Variants in ZNF420 observed in about 807,000 individuals in gnomAD.
ZNF420 encodes ATM and p53-associated KZNF protein.
In ZNF420, 31 loss-of-function variants were observed where a neutral mutation model predicts 44.7. The observed-to-expected ratio is 0.69, with a 90% confidence interval of 0.52 to 0.94. The LOEUF (loss-of-function observed/expected upper bound fraction) is 0.94, where lower values mean the gene tolerates loss of function less well. Among genes scored for constraint, ZNF420 ranks in the 40% least tolerant of loss-of-function variants. ZNF420 has a pLI of 0.00. For missense variants in ZNF420, 681 were observed against 827.9 expected (o/e 0.82, Z 2.18); for synonymous variants, 245 against 267.4 (o/e 0.92, Z 0.82).
intron 1 of ZNF420, among the ~76,000 whole-genome samples, chr19:37,043,996 T>C (rs1967501781): frequency 1.3e-5 from 2 of 152,254 alleles, no homozygotes; most frequent in Admixed American, 6.5e-5. Flanking sequence ...GACTGCGGAC[T>C]GCACATGCAG....
chr19:37,123,306 C>CT (rs1439821350), intron 4 of ZNF420, among the ~76,000 whole-genome samples: 1 of 152,092 alleles, frequency 6.6e-6, no homozygotes, highest in Admixed American at 6.6e-5. Context: ...GAGTAAAAGT[C>CT]GATTTTTTAA....
rs181384911 is a variant in ZNF420 at position 37,108,544 on chromosome 19, G to A, written c.136+17423G>A. On this transcript the variant is annotated intron_variant, in intron 4 of 4. Coordinates refer to ENST00000337995, the MANE Select transcript of ZNF420 (RefSeq NM_144689.5). ...AAACCGTTAGACTTGAATTTAGGTC[G>A]ATAGTATAAAATGGCTTATGATCTC... is the stretch of plus-strand genomic sequence containing the variant. Among the ~76,000 whole-genome samples the A allele has an allele frequency of 5.9e-5, 9 of 152,276 alleles. No individual in the cohort carries two copies. The East Asian group carries it at 1.4e-3, about 23-fold the overall frequency.
chr19:37,075,071 G>T (rs936816047), upstream of ZNF420: 2 of 152,190 alleles, frequency 1.3e-5, no homozygotes, highest in African/African-American at 4.8e-5. Flanking sequence ...GACTCTCAAA[G>T]AAAATAATCC....
intron 1 of ZNF420, among the ~76,000 whole-genome samples, chr19:37,010,033 A>G (rs1023272058): frequency 6.6e-6 from 1 of 152,188 alleles, no homozygotes; most frequent in Non-Finnish European, 1.5e-5. Flanking sequence ...CCTCAGCCTG[A>G]GTTCCAGGAG....
At chr19:37,049,636 G>T (rs1386569818) in intron 1 of ZNF420, among the ~76,000 whole-genome samples, 1 of 152,082 alleles carries the variant, frequency 6.6e-6, no homozygotes, top group Non-Finnish European at 1.5e-5. Context: ...AGATGAGCAG[G>T]TTGCGAAAAT....
chr19:37,050,091 C>T (rs1389646819), intron 1 of ZNF420, among the ~76,000 whole-genome samples: 1 of 152,090 alleles, frequency 6.6e-6, no homozygotes, highest in Admixed American at 6.5e-5. Flanking sequence ...GTTTTGGTAC[C>T]AGTACCATGC....
At chr19:37,063,948 A>G (rs565011008) in intron 1 of ZNF420, among the ~76,000 whole-genome samples, 11 of 152,180 alleles carry the variant, frequency 7.2e-5, no homozygotes, top group Non-Finnish European at 1.6e-4. Flanking sequence ...ACAGTTTCTC[A>G]GTCTTGCCCT....
intron 1 of ZNF420, among the ~76,000 whole-genome samples, chr19:37,047,872 T>C (rs1437703637): frequency 6.6e-6 from 1 of 152,206 alleles, no homozygotes; most frequent in Non-Finnish European, 1.5e-5. Context: ...GAGTGTGGGA[T>C]TGATTTTTAA....
chr19:37,047,448 C>G (rs1370284047), intron 1 of ZNF420, among the ~76,000 whole-genome samples: 3 of 152,192 alleles, frequency 2.0e-5, no homozygotes, highest in Non-Finnish European at 2.9e-5. Context: ...GACACCAATC[C>G]TAGTGGCACC....
chr19:37,015,084 C>T (rs921765777), intron 1 of ZNF420, among the ~76,000 whole-genome samples: 1 of 152,236 alleles, frequency 6.6e-6, no homozygotes, highest in African/African-American at 2.4e-5. Flanking sequence ...AACCACGCAG[C>T]CTCAGGAGCT....
At chr19:37,010,369 C>T (rs73623563) in intron 1 of ZNF420, among the ~76,000 whole-genome samples, 2,001 of 152,238 alleles carry the variant, frequency 0.013, 47 homozygotes, top group African/African-American at 0.045. Flanking sequence ...TCATGCCCCC[C>T]GTGATCTCGA....
intron 1 of ZNF420, among the ~76,000 whole-genome samples, chr19:37,038,447 T>G (rs2069931853): frequency 6.6e-6 from 1 of 152,184 alleles, no homozygotes; most frequent in South Asian, 2.1e-4. Flanking sequence ...TAGCATGCTG[T>G]GCAGCTTGAT....
intron 1 of ZNF420, among the ~76,000 whole-genome samples, chr19:37,052,431 T>G (rs1030766465): frequency 3.9e-5 from 6 of 152,190 alleles, no homozygotes; most frequent in African/African-American, 1.2e-4. Flanking sequence ...TTTTGCTCGT[T>G]AGTTGATGCA....
intron 1 of ZNF420, chr19:37,025,167 T>C: frequency 2.3e-6 from 1 of 426,972 alleles, no homozygotes; most frequent in Non-Finnish European, 3.7e-6. Flanking sequence ...ATCTATGATG[T>C]ACAGAAAGTT....
At chr19:37,029,677 A>G (rs1967220166) in intron 1 of ZNF420, among the ~76,000 whole-genome samples, 2 of 151,648 alleles carry the variant, frequency 1.3e-5, no homozygotes, top group South Asian at 2.1e-4. Flanking sequence ...ATGTGCCACC[A>G]CACCTGGCTA....
intron 1 of ZNF420, among the ~76,000 whole-genome samples, chr19:37,028,953 A>G (rs1967202061): frequency 6.6e-6 from 1 of 150,720 alleles, no homozygotes; most frequent in African/African-American, 2.4e-5. Flanking sequence ...TGTTCAAATC[A>G]TCGACTGTAG....
At chr19:37,117,894 G>A (rs1353002737) in intron 4 of ZNF420, among the ~76,000 whole-genome samples, 1 of 152,116 alleles carries the variant, frequency 6.6e-6, no homozygotes, top group Non-Finnish European at 1.5e-5. Flanking sequence ...TCAAATGAAT[G>A]AAATGAAGCA....
At chr19:37,100,819 G>A (rs185151698) in intron 4 of ZNF420, among the ~76,000 whole-genome samples, 85 of 152,282 alleles carry the variant, frequency 5.6e-4, no homozygotes, top group Admixed American at 5.2e-3. Context: ...TATTTTGATA[G>A]GGATTGCATA....
At chr19:37,110,037 T>C (rs1183001580) in intron 4 of ZNF420, among the ~76,000 whole-genome samples, 2 of 152,180 alleles carry the variant, frequency 1.3e-5, no homozygotes, top group Non-Finnish European at 2.9e-5. Flanking sequence ...GTATGTGTAA[T>C]TTTCTTGGAA....
Sources: gnomAD v4.1 joint callset for allele counts (sites outside exome capture counted in the v4.1 genomes callset) on GRCh38, gnomAD v4.1.1 for gene constraint, MANE v1.5 for transcripts, NCBI Gene and HGNC (gene_info 2026-07-23, HGNC 2026-07-21) for gene names.